Variants in FBN1 observed in about 807,000 individuals in gnomAD.
The protein encoded by FBN1 is fibrillin 1.
FBN1 carries 29 observed loss-of-function variants against 365.1 expected under a neutral mutation model. The ratio of observed to expected loss-of-function variants is 0.08; its 90% CI spans 0.06 to 0.11. The LOEUF (loss-of-function observed/expected upper bound fraction) is 0.11, where lower values mean the gene tolerates loss of function less well. FBN1 is among the 10% of genes least tolerant of loss of function. FBN1 has a pLI of 1.00. For synonymous variants in FBN1, 1,210 were observed against 1,270.5 expected, an observed-to-expected ratio of 0.95 and a Z score of 1.01; for missense variants, 2,476 against 3,703.2, an observed-to-expected ratio of 0.67 and a Z score of 8.60.
intron 34 of FBN1, among the ~76,000 whole-genome samples, 178 bp downstream of exon 34, chr15:48,474,077 G>A (rs2043399103): frequency 6.6e-6 from 1 of 152,064 alleles, no homozygotes. Context: ...AGAAGCTTTT[G>A]AGGTCTCCCT....
chr15:48,515,184 G>A (rs1229832537), intron 12 of FBN1, among the ~76,000 whole-genome samples: 1 of 152,192 alleles, frequency 6.6e-6, no homozygotes, highest in African/African-American at 2.4e-5. Flanking sequence ...CCAAAAGGAA[G>A]ACAGCCCTCC....
intron 54 of FBN1, 99 bp from the exon 55 acceptor site, chr15:48,433,087 A>G (rs2043036859): frequency 2.3e-6 from 3 of 1,309,656 alleles, no homozygotes; most frequent in Non-Finnish European, 3.3e-6. Flanking sequence ...AAAAGTTGCA[A>G]TGCTTCATTG....
intron 2 of FBN1, among the ~76,000 whole-genome samples, chr15:48,621,819 T>A (rs1889772783): frequency 6.7e-6 from 1 of 148,882 alleles, no homozygotes; most frequent in South Asian, 2.1e-4. Context: ...AAACCCCGTC[T>A]CTACTAAAAA....
chr15:48,500,477 G>A (rs1248787132), intron 17 of FBN1, among the ~76,000 whole-genome samples: 1 of 152,108 alleles, frequency 6.6e-6, no homozygotes, highest in Non-Finnish European at 1.5e-5. Flanking sequence ...CCATAAATTT[G>A]GAATGACAAC....
chr15:48,584,009 A>G lies in FBN1; in HGVS notation c.538+12274T>C, dbSNP rs1409303016. On this transcript the variant is annotated intron_variant, in intron 6 of 65. Coordinates refer to ENST00000316623, the MANE Select transcript of FBN1 (RefSeq NM_000138.5). ...CTTCTAAGTGGAAAAAATGGTCAAA[A>G]TGAGGCCTTTAAGTTTAGGTGTAAT... 2.6e-5 allele frequency among the ~76,000 whole-genome samples: 4 copies of G among 152,218 alleles called. No homozygotes were observed. In the East Asian group the frequency reaches 5.8e-4, roughly 22 times the overall value.
At chr15:48,579,817 A>G (rs2044377465) in intron 6 of FBN1, among the ~76,000 whole-genome samples, 1 of 152,222 alleles carries the variant, frequency 6.6e-6, no homozygotes, top group African/African-American at 2.4e-5. Context: ...GATTCAATTA[A>G]TCTAAACTGT....
intron 2 of FBN1, among the ~76,000 whole-genome samples, chr15:48,616,844 T>A (rs1889663404): frequency 6.6e-6 from 1 of 152,202 alleles, no homozygotes; most frequent in Non-Finnish European, 1.5e-5. Context: ...GCTAAAGATA[T>A]ATTATTTTAT....
In FBN1 at chr15:48,488,158, C is replaced by A; in HGVS notation, c.3292G>T (p.Asp1098Tyr). The A allele has an allele frequency of 6.2e-7, 1 of 1,614,228 alleles. No homozygotes were observed. Among genetic ancestry groups the A allele is most frequent in the Non-Finnish European group, 8.5e-7 (1 of 1,180,050 alleles). ...ATGAATCCACTTTCATAGCCTTCGT[C>A]ACACTTGCATTCAAAGTCCCCAGGG... Reference protein sequence around the residue: ...NTPGDFECKCDEGYESGFMMM... With the variant: ...NTPGDFECKCYEGYESGFMMM... Residue 1098 changes from aspartate to tyrosine, a missense_variant, in exon 27 of 66, where the codon GAC (aspartate) becomes TAC (tyrosine). Physicochemically the swap from Asp to Tyr is radical, Grantham distance 160. Around this residue, in one of 5 missense-constraint regions of FBN1, gnomAD observed 1,780 missense variants for 2,840.8 expected, o/e 0.63. Transcript: ENST00000316623.
chr15:48,474,259 A>G lies in FBN1; in HGVS notation c.4206T>C (p.Cys1402=), dbSNP rs2141279643. The change falls in exon 34 of 66, where the codon TGT becomes TGC. Residue 1402 remains cysteine, a synonymous_variant. Transcript: ENST00000316623. ...KEGYTGDGFT[C]TDLDECSENL... Reference sequence around the variant, plus strand: ...TTGTTTCCAGCGTGAACATACCTGTACAAGTGAAGCCATCACCTGTGTATC... The same window carrying G: ...TTGTTTCCAGCGTGAACATACCTGTGCAAGTGAAGCCATCACCTGTGTATC... 2 of 1,614,152 alleles carry G rather than the reference A, an allele frequency of 1.2e-6. No individual in the cohort carries two copies. The highest frequency in any genetic ancestry group is 1.7e-6 in the Non-Finnish European group (2 of 1,180,006).
At position 48,515,517 on chromosome 15, in the gene FBN1, T is replaced by A; in HGVS notation, c.1338A>T (p.Pro446=). 6.2e-7 allele frequency: 1 copy of A among 1,614,040 alleles called. No homozygotes were observed. Among genetic ancestry groups the A allele is most frequent in the South Asian group, 1.1e-5 (1 of 91,088 alleles). The change falls in exon 12 of 66, where the codon CCA becomes CCT. Residue 446 remains proline, a synonymous_variant. Transcript: ENST00000316623. ...ACTGGCAGTAATCAGTAACGTTTAC[T>A]GGCAGCACCCCTAGAAGAACATTAA... ...YPSREPPRVL[P]VNVTDYCQLV... is the part of the protein sequence containing the mutation.
chr15:48,567,498 A>C (rs1040756148), intron 6 of FBN1, among the ~76,000 whole-genome samples: 3 of 152,150 alleles, frequency 2.0e-5, no homozygotes, highest in Admixed American at 6.6e-5. Context: ...CCAAAGCCAG[A>C]CGAAGACATG....
intron 9 of FBN1, among the ~76,000 whole-genome samples, chr15:48,525,554 T>C (rs1290571135): frequency 1.3e-5 from 2 of 152,136 alleles, no homozygotes; most frequent in African/African-American, 2.4e-5. Flanking sequence ...CTCTGTGCCC[T>C]CCGCAATCCC....
chr15:48,458,353 A>T (rs2043256680), intron 43 of FBN1, among the ~76,000 whole-genome samples: 1 of 152,220 alleles, frequency 6.6e-6, no homozygotes, highest in African/African-American at 2.4e-5. Context: ...TTTTGTGTGA[A>T]GGCAAAATTG....
chr15:48,516,354 T>C lies in FBN1; in HGVS notation c.1156A>G (p.Asn386Asp). 6.2e-7 allele frequency: 1 copy of C among 1,613,650 alleles called. No individual in the cohort carries two copies. The highest frequency in any genetic ancestry group is 1.1e-5 in the South Asian group (1 of 91,084). ...ACCATAGGAACAGAGCACAGCTTGTTGAAATCCTCTAGAAAAACACAACAA... is the reference window on the plus strand; with the variant it reads ...ACCATAGGAACAGAGCACAGCTTGTCGAAATCCTCTAGAAAAACACAACAA... ...MCPIRATEDF[N>D]KLCSVPMVIP... Residue 386 changes from asparagine to aspartate, a missense_variant, in exon 11 of 66, where the codon AAC (asparagine) becomes GAC (aspartate). This residue lies in a region of FBN1 where 421 missense variants were observed against 520.1 expected (regional missense o/e 0.81). Coordinates refer to ENST00000316623, the MANE Select transcript of FBN1 (RefSeq NM_000138.5).
chr15:48,483,826 G>A lies in FBN1; in HGVS notation c.3830C>T (p.Thr1277Ile). ...CTGTCTTCTTTGCTTACCTACACAAGTCTTCATGTCTTCAGATGCCATGAA... is the reference window on the plus strand; with the variant it reads ...CTGTCTTCTTTGCTTACCTACACAAATCTTCATGTCTTCAGATGCCATGAA... ...DGFMASEDMK[T>I]CVDVNECDLN... The change falls in exon 31 of 66, where the codon ACT (threonine) becomes ATT (isoleucine). Residue 1277 changes from threonine (T) to isoleucine (I), a missense_variant. Physicochemically the swap from Thr to Ile is moderately conservative, Grantham distance 89. This residue lies in a region of FBN1 where 1,780 missense variants were observed against 2,840.8 expected (regional missense o/e 0.63). Coordinates refer to ENST00000316623, the MANE Select transcript of FBN1 (RefSeq NM_000138.5). 6.2e-7 allele frequency: 1 copy of A among 1,613,600 alleles called. No homozygotes were observed. Among genetic ancestry groups the A allele is most frequent in the Non-Finnish European group, 8.5e-7 (1 of 1,179,990 alleles).
At position 48,565,672 on chromosome 15, in the gene FBN1, G is replaced by A. The variant is rs952020717; in HGVS notation, c.539-27864C>T. ...AAATGCTAACTTTCCACTAATCTCA[G>A]CAAATAAAAACTCCTATATATTTTG... On this transcript the variant is annotated intron_variant, in intron 6 of 65. Coordinates refer to ENST00000316623, the MANE Select transcript of FBN1 (RefSeq NM_000138.5). 2.7e-5 allele frequency among the ~76,000 whole-genome samples: 4 copies of A among 150,754 alleles called. 1 individual carries two copies. The highest frequency in any genetic ancestry group is 4.4e-5 in the Non-Finnish European group (3 of 67,720).
At chr15:48,536,734 G>A (rs1458103427) in intron 7 of FBN1, among the ~76,000 whole-genome samples, 1 of 152,154 alleles carries the variant, frequency 6.6e-6, no homozygotes, top group Admixed American at 6.5e-5. Flanking sequence ...GGAATGTAAT[G>A]GAGACCCACA....
At chr15:48,577,171 T>C (rs2044354653) in intron 6 of FBN1, among the ~76,000 whole-genome samples, 1 of 152,252 alleles carries the variant, frequency 6.6e-6, no homozygotes, top group Non-Finnish European at 1.5e-5. Context: ...CCAGCCAAGA[T>C]ACAGAGATTC....
Position 48,428,464 on chromosome 15 carries a change from A to G in FBN1, c.6879T>C (p.Asn2293=). ...AGATCCCTGGCTTCGTCTGACATTC[A>G]TTCTCATCTGTTTGATTTTATTGAA... is the stretch of plus-strand genomic sequence containing the variant. ...RPDGEGCVDE[N]ECQTKPGICE... The change falls in exon 57 of 66, where the codon AAT becomes AAC. Residue 2293 remains asparagine (N), a synonymous_variant. Coordinates refer to ENST00000316623, the MANE Select transcript of FBN1 (RefSeq NM_000138.5). 1 of 1,614,042 alleles carries G rather than the reference A, an allele frequency of 6.2e-7. No individual in the cohort carries two copies. Among genetic ancestry groups the G allele is most frequent in the South Asian group, 1.1e-5 (1 of 91,076 alleles).
Sources: gnomAD v4.1 joint callset for allele counts (sites outside exome capture counted in the v4.1 genomes callset) on GRCh38, gnomAD v4.1.1 for gene constraint, gnomAD v4.1.1 regional missense constraint, MANE v1.5 for transcripts, NCBI Gene and HGNC (gene_info 2026-07-23, HGNC 2026-07-21) for gene names.